Variants in RNH1 observed in about 807,000 individuals in gnomAD.
RNH1 encodes the protein ribonuclease/angiogenin inhibitor 1.
Under a neutral mutation model 46.1 loss-of-function variants are expected in RNH1, and 38 were observed. The observed-to-expected ratio is 0.82, with a 90% CI of 0.64 to 1.08. The LOEUF (loss-of-function observed/expected upper bound fraction) is 1.08. RNH1 is among the 50% of genes least tolerant of loss of function. RNH1 has a pLI of 0.00. For synonymous variants in RNH1, 319 were observed against 279.1 expected (o/e 1.14, Z -1.43); for missense variants, 577 against 590.7 (o/e 0.98, Z 0.24).
Position 501,188 on chromosome 11 carries a change from C to T in RNH1, c.102-534G>A, listed in dbSNP as rs911514617. On this transcript the variant is annotated intron_variant, in intron 3 of 10. Coordinates refer to ENST00000354420, the MANE Select transcript of RNH1 (RefSeq NM_203387.3). This position sits in a 1 kb window ranked among gnomAD's most constrained non-coding sequence, Gnocchi z 4.1. ...TCAGTCACAGGAGGAAAGGCAGTGG[C>T]GTCACAGTGGAGAGGGTGGCAGACG... 1.3e-5 allele frequency: 3 copies of T among 227,686 alleles called. No homozygotes were observed. Among genetic ancestry groups the T allele is most frequent in the Non-Finnish European group, 2.7e-5 (3 of 112,514 alleles). 14.1% of individuals were successfully genotyped at this position (227,686 alleles called of 1,614,324 possible).
chr11:502,479 C>A lies in RNH1; in HGVS notation c.-87-230G>T. The A allele has an allele frequency of 2.3e-6, 1 of 439,062 alleles. No individual in the cohort carries two copies. Among genetic ancestry groups the A allele is most frequent in the South Asian group, 2.7e-5 (1 of 37,734 alleles). 27.2% of individuals were successfully genotyped at this position (439,062 alleles called of 1,614,324 possible). The stretch of plus-strand genomic sequence containing the variant: ...GCTATCACCACCCAGCCTCTGTGGG[C>A]ACCTCCTCCTGCCCCACAGAGGGCG... On this transcript the variant is annotated intron_variant, in intron 2 of 10. Coordinates refer to ENST00000354420, the MANE Select transcript of RNH1 (RefSeq NM_203387.3). The surrounding 1 kb of genome is among the most constrained non-coding windows in gnomAD (Gnocchi z 5.8).
chr11:496,618 A>G (rs902182279), intron 9 of RNH1, among the ~76,000 whole-genome samples: 9 of 152,102 alleles, frequency 5.9e-5, no homozygotes, highest in South Asian at 2.1e-4. Flanking sequence ...GCAGTGAGCC[A>G]AGATCGCACC....
At chr11:505,182 C>T (rs1850155851) in intron 1 of RNH1, 186 bp from the exon 2 acceptor site, 1 of 152,200 alleles carries the variant, frequency 6.6e-6, no homozygotes, top group South Asian at 2.1e-4. Context: ...GTGTCACCGG[C>T]CGCGGTCACT....
intron 4 of RNH1, chr11:500,205 GAC>G: frequency 1.5e-6 from 1 of 681,008 alleles, no homozygotes; most frequent in East Asian, 2.7e-5. Flanking sequence ...CTTGTCTGCA[GAC>G]ACACCTTTCA....
intron 1 of RNH1, chr11:505,693 G>A (rs994214457): frequency 1.3e-5 from 2 of 152,088 alleles, no homozygotes; most frequent in African/African-American, 4.8e-5. Context: ...CAAGTAGCTG[G>A]GACTACAAGC....
rs935932624 is a variant in RNH1 at position 500,003 on chromosome 11, G to C, written c.273-4C>G. On this transcript the variant is annotated splice_region_variant and splice_polypyrimidine_tract_variant and intron_variant, in intron 4 of 10. Coordinates refer to ENST00000354420, the MANE Select transcript of RNH1 (RefSeq NM_203387.3). ...CGTCAGGCAGCAGTTCTGGAGGCTG[G>C]AGCATACCTGGCTGTCAGCAGGGCT... The C allele has an allele frequency of 1.9e-6, 3 of 1,547,098 alleles. No individual in the cohort carries two copies. Among genetic ancestry groups the C allele is most frequent in the Admixed American group, 2.0e-5 (1 of 50,546 alleles).
At position 501,692 on chromosome 11, in the gene RNH1, GC is replaced by G; in HGVS notation, c.101+369del. On this transcript the variant is annotated intron_variant, in intron 3 of 10. Transcript: ENST00000354420. The surrounding 1 kb of genome is among the most constrained non-coding windows in gnomAD (Gnocchi z 4.1). ...GGACCTCGAGGGCCGAGGACTCCCA[GC>G]CCCCAGCTTGGCAGGGACAAGCAGC... The G allele has an allele frequency of 4.2e-6, 1 of 240,594 alleles. No homozygotes were observed. Among genetic ancestry groups the G allele is most frequent in the Non-Finnish European group, 8.2e-6 (1 of 122,356 alleles). The allele number at this position is 240,594 out of a possible 1,614,324, so 14.9% of individuals were successfully genotyped here. A position where few individuals can be genotyped will look rare whatever the true frequency, so the allele number is the denominator to read the frequency against.
chr11:495,671 C>T (rs1350522326), intron 9 of RNH1, among the ~76,000 whole-genome samples: 2 of 152,184 alleles, frequency 1.3e-5, no homozygotes, highest in Admixed American at 6.5e-5. Flanking sequence ...AACAAGTCTG[C>T]AGTGACCAGG....
At chr11:499,684 G>A in intron 5 of RNH1, 145 bp downstream of exon 5, 1 of 972,976 alleles carries the variant, frequency 1.0e-6, no homozygotes, top group Admixed American at 1.9e-5. Flanking sequence ...CCCAGACCCA[G>A]CATCATGGGG....
intron 3 of RNH1, 75 bp from the exon 4 acceptor site, chr11:500,729 A>G: frequency 6.6e-7 from 1 of 1,521,630 alleles, no homozygotes; most frequent in Non-Finnish European, 9.0e-7. Context: ...CCCCACGTGC[A>G]GGTTACAACC....
At chr11:497,649 TCTCACCCATGTGCTCACACACACGTG>T (rs1238283516) in intron 9 of RNH1, among the ~76,000 whole-genome samples, 21 of 136,870 alleles carry the variant, frequency 1.5e-4, no homozygotes, top group East Asian at 4.3e-4. Context: ...ACACTCGTGC[TCTCACCCATGTGCTCACACACACGTG>T]CTCACCCATG....
chr11:500,255 C>T (rs904189771), intron 4 of RNH1: 44 of 665,570 alleles, frequency 6.6e-5, no homozygotes, highest in South Asian at 2.7e-4. Flanking sequence ...CTAGGGATGG[C>T]GGGCAGGGCC....
rs746243454 is a variant in RNH1, at chr11:498,887, C to T, written c.661G>A (p.Gly221Ser). The change falls in exon 7 of 11, where the codon GGC becomes AGC. Residue 221 changes from glycine to serine, a missense_variant. Transcript: ENST00000354420. ...VTSDNCRDLC[G>S]IVASKASLRE... ...AGCGAGGCCTTGGAGGCCACAATGC[C>T]GCACAGGTCCCGGCAGTTGTCTGAT... is the stretch of plus-strand genomic sequence containing the variant. 3.6e-5 allele frequency: 58 copies of T among 1,612,464 alleles called. No individual in the cohort carries two copies. The highest frequency in any genetic ancestry group is 4.6e-5 in the Non-Finnish European group (54 of 1,179,880).
At chr11:497,391 ACT>A (rs1203679495) in intron 9 of RNH1, among the ~76,000 whole-genome samples, 9 of 126,642 alleles carry the variant, frequency 7.1e-5, no homozygotes, top group Admixed American at 1.7e-4. Context: ...ACACTCGGAC[ACT>A]CGTGCTCTCA....
chr11:502,965 G>C lies in RNH1; in HGVS notation c.-87-716C>G, dbSNP rs1169365843. ...TGGAAGGAGGTTCCTGAGGCCCTGA[G>C]AGCACAGCTCAGGTACCCGCCAGGG... On this transcript the variant is annotated intron_variant, in intron 2 of 10. Coordinates refer to ENST00000354420, the MANE Select transcript of RNH1 (RefSeq NM_203387.3). The surrounding 1 kb of genome is among the most constrained non-coding windows in gnomAD (Gnocchi z 5.8). The C allele has an allele frequency of 6.6e-6, 1 of 152,290 alleles. No individual in the cohort carries two copies. The highest frequency in any genetic ancestry group is 1.5e-5 in the Non-Finnish European group (1 of 68,110). The allele number at this position is 152,290 out of a possible 1,614,324, so 9.4% of individuals were successfully genotyped here.
At chr11:504,182 T>C (rs1850015720) in intron 2 of RNH1, among the ~76,000 whole-genome samples, 1 of 152,134 alleles carries the variant, frequency 6.6e-6, no homozygotes, top group Non-Finnish European at 1.5e-5. Flanking sequence ...ATTCAGGTCC[T>C]TATGTTCCGA....
At chr11:500,085 A>G (rs1233686195) in intron 4 of RNH1, 86 bp from the exon 5 acceptor site, 1 of 1,408,020 alleles carries the variant, frequency 7.1e-7, no homozygotes, top group South Asian at 1.4e-5. Flanking sequence ...CCGGAGCAGC[A>G]CTCTTCAGGC....
chr11:495,128 CT>C, intron 9 of RNH1, 75 bp from the exon 10 acceptor site: 1 of 1,462,096 alleles, frequency 6.8e-7, no homozygotes, highest in Non-Finnish European at 9.3e-7. Flanking sequence ...AGGCCTGGGC[CT>C]GGGGGGCGCG....
intron 9 of RNH1, among the ~76,000 whole-genome samples, chr11:496,529 TGTG>T (rs1849074566): frequency 6.6e-6 from 1 of 152,130 alleles, no homozygotes; most frequent in Non-Finnish European, 1.5e-5. Context: ...ATTAGCCTGG[TGTG>T]GTGACGGGCG....
Sources: allele counts gnomAD v4.1 joint callset (sites outside exome capture counted in the v4.1 genomes callset), GRCh38; gene constraint gnomAD v4.1.1; non-coding constraint Gnocchi (gnomAD v3.1); transcripts MANE v1.5; gene names NCBI Gene and HGNC (gene_info 2026-07-23, HGNC 2026-07-21).